The following GALNT17 variants were observed in gnomAD, a reference collection of about 807,000 sequenced individuals.
The protein encoded by GALNT17 is polypeptide N-acetylgalactosaminyltransferase 17.
In GALNT17, 29 loss-of-function variants were observed where a neutral mutation model predicts 63.7. The observed-to-expected ratio is 0.46, with a 90% confidence interval of 0.34 to 0.62. The LOEUF (loss-of-function observed/expected upper bound fraction) is 0.62. Among genes scored for constraint, GALNT17 ranks in the 20% least tolerant of loss-of-function variants. GALNT17 has a pLI of 0.01. For missense variants in GALNT17, 603 were observed against 799.6 expected, an observed-to-expected ratio of 0.75 and a Z score of 2.97; for synonymous variants, 305 against 318.3, an observed-to-expected ratio of 0.96 and a Z score of 0.45.
At chr7:71,298,284 T>G (rs1398440933) in intron 1 of GALNT17, among the ~76,000 whole-genome samples, 4 of 151,832 alleles carry the variant, frequency 2.6e-5, no homozygotes, top group Non-Finnish European at 2.9e-5. Context: ...CCTCCCAAAG[T>G]GCTGGGATTA....
At chr7:71,702,456 CAT>C (rs971360678) in intron 9 of GALNT17, among the ~76,000 whole-genome samples, 1 of 152,036 alleles carries the variant, frequency 6.6e-6, no homozygotes, top group African/African-American at 2.4e-5. Flanking sequence ...AACAATATGA[CAT>C]GTGGCTGGAA....
At chr7:71,679,968 CCGCT>C (rs1791219382) in intron 9 of GALNT17, among the ~76,000 whole-genome samples, 1 of 45,312 alleles carries the variant, frequency 2.2e-5, no homozygotes, top group Non-Finnish European at 4.7e-5. Flanking sequence ...TTCCTCCCTC[CCGCT>C]CTCTCTTCCT....
At chr7:71,441,453 T>G (rs1006456754) in intron 5 of GALNT17, among the ~76,000 whole-genome samples, 3 of 152,266 alleles carry the variant, frequency 2.0e-5, no homozygotes, top group Admixed American at 1.3e-4. Flanking sequence ...CCTCCACAGT[T>G]TTTTTTCTTT....
In GALNT17 at chr7:71,302,967, C is replaced by A. The variant is rs190714568; in HGVS notation, c.239-32583C>A. Among the ~76,000 whole-genome samples the A allele has an allele frequency of 3.1e-3, 467 of 152,096 alleles. 2 individuals are homozygous for A. The highest frequency in any genetic ancestry group is 0.011 in the African/African-American group (453 of 41,498). On this transcript the variant is annotated intron_variant, in intron 1 of 10. Transcript: ENST00000333538. ...GCAGCCTCCACCTCCTGGGTTCAAGCAATTCTCCTGCCTCAGCCTCCCAAG... is the reference window on the plus strand; with the variant it reads ...GCAGCCTCCACCTCCTGGGTTCAAGAAATTCTCCTGCCTCAGCCTCCCAAG...
At chr7:71,539,736 G>T (rs11763708) in intron 5 of GALNT17, among the ~76,000 whole-genome samples, 3 of 99,542 alleles carry the variant, frequency 3.0e-5, no homozygotes, top group East Asian at 3.1e-4. Flanking sequence ...TTTTTTTGAG[G>T]CACGGTCTGG....
intron 5 of GALNT17, among the ~76,000 whole-genome samples, chr7:71,506,305 C>T (rs1584011204): frequency 6.6e-6 from 1 of 152,098 alleles, no homozygotes; most frequent in African/African-American, 2.4e-5. Context: ...CTTGCTCTGT[C>T]GCCCAGGCTG....
chr7:71,185,632 C>A (rs1301958138), intron 1 of GALNT17, among the ~76,000 whole-genome samples: 2 of 151,632 alleles, frequency 1.3e-5, no homozygotes, highest in Non-Finnish European at 2.9e-5. Flanking sequence ...CTCAGCCTCC[C>A]GAGTAGCTGG....
intron 5 of GALNT17, among the ~76,000 whole-genome samples, chr7:71,481,341 C>T (rs1482350375): frequency 6.6e-6 from 1 of 152,062 alleles, no homozygotes; most frequent in Non-Finnish European, 1.5e-5. Context: ...ATCCCAACTA[C>T]TGGGGAGGCT....
intron 1 of GALNT17, among the ~76,000 whole-genome samples, chr7:71,263,872 C>T (rs527423652): frequency 2.0e-4 from 31 of 151,662 alleles, no homozygotes; most frequent in Admixed American, 1.7e-3. Flanking sequence ...TGCAGTGAGC[C>T]GAGATCACAC....
At chr7:71,540,002 G>A (rs915109057) in intron 5 of GALNT17, among the ~76,000 whole-genome samples, 1 of 148,086 alleles carries the variant, frequency 6.8e-6, no homozygotes, top group South Asian at 2.1e-4. Flanking sequence ...CTGTGTTGCC[G>A]AGGCTGGTCC....
intron 1 of GALNT17, among the ~76,000 whole-genome samples, chr7:71,323,743 G>A (rs752214235): frequency 3.3e-5 from 5 of 152,216 alleles, no homozygotes; most frequent in Non-Finnish European, 7.3e-5. Flanking sequence ...AATTTGGCCA[G>A]TGCAGTTTAT....
chr7:71,193,038 T>C (rs888411318), intron 1 of GALNT17, among the ~76,000 whole-genome samples: 13 of 152,228 alleles, frequency 8.5e-5, no homozygotes, highest in African/African-American at 2.6e-4. Context: ...TTTGAGAGAA[T>C]GCATCTTGGT....
intron 1 of GALNT17, among the ~76,000 whole-genome samples, chr7:71,181,928 C>T (rs952311373): frequency 1.3e-5 from 2 of 151,814 alleles, no homozygotes; most frequent in South Asian, 2.1e-4. Flanking sequence ...GTAGTCCCAG[C>T]ACTTTGGGAG....
At chr7:71,335,440 T>G in intron 1 of GALNT17, 110 bp from the exon 2 acceptor site, 1 of 1,142,878 alleles carries the variant, frequency 8.7e-7, no homozygotes, top group Middle Eastern at 2.1e-4. Flanking sequence ...GACATCATTT[T>G]TTCTGTGACA....
In GALNT17 at chr7:71,621,500, TAG is replaced by T. The variant is rs746324215; in HGVS notation, c.1081-43909_1081-43908del. Among the ~76,000 whole-genome samples, 649 of 123,778 alleles carry T rather than the reference TAG, an allele frequency of 5.2e-3. 6 individuals carry two copies. The highest frequency in any genetic ancestry group is 0.018 in the African/African-American group (617 of 34,944). 81.2% of individuals were successfully genotyped at this position (123,778 alleles called of 152,430 possible). On this transcript the variant is annotated intron_variant, in intron 6 of 10. Coordinates refer to ENST00000333538, the MANE Select transcript of GALNT17 (RefSeq NM_022479.3). ...ATGGATGAATGGATGGATTGATGGA[TAG>T]ATGGATGGATGGATGGATGGATGGA...
At position 71,496,794 on chromosome 7, in the gene GALNT17, G is replaced by A. The variant is rs549695457; in HGVS notation, c.963-74491G>A. Among the ~76,000 whole-genome samples, 7 of 152,144 alleles carry A rather than the reference G, an allele frequency of 4.6e-5. No individual in the cohort carries two copies. In the South Asian group the frequency reaches 6.2e-4, roughly 14 times the overall value. ...GGCCGGATGGGGTGGGGTGGGGAGCGGGGGGCGGAGCACTTACACCTGTAA... is the reference window on the plus strand; with the variant it reads ...GGCCGGATGGGGTGGGGTGGGGAGCAGGGGGCGGAGCACTTACACCTGTAA... On this transcript the variant is annotated intron_variant, in intron 5 of 10. Transcript: ENST00000333538.
intron 2 of GALNT17, among the ~76,000 whole-genome samples, chr7:71,354,853 G>T (rs1016291226): frequency 3.9e-5 from 6 of 152,186 alleles, no homozygotes; most frequent in African/African-American, 1.4e-4. Context: ...TTTCTTGATG[G>T]TTTTTGCAAT....
chr7:71,474,645 A>G (rs73365694), intron 5 of GALNT17, among the ~76,000 whole-genome samples: 30,229 of 152,040 alleles, frequency 0.2, 3,869 homozygotes, highest in East Asian at 0.54. Context: ...AGAGGTGTAT[A>G]TTCTCCACCA....
intron 5 of GALNT17, among the ~76,000 whole-genome samples, chr7:71,445,425 G>C (rs536148281): frequency 1.2e-3 from 178 of 151,604 alleles, no homozygotes; most frequent in African/African-American, 4.1e-3. Context: ...TCGAACTCCT[G>C]ACCTCAGGTG....
Sources: gnomAD v4.1 joint callset for allele counts (sites outside exome capture counted in the v4.1 genomes callset) on GRCh38, gnomAD v4.1.1 for gene constraint, MANE v1.5 for transcripts, NCBI Gene and HGNC (gene_info 2026-07-23, HGNC 2026-07-21) for gene names.